The following EMC8 variants were observed in gnomAD, a reference collection of about 807,000 sequenced individuals.
EMC8 encodes ER membrane protein complex subunit 8.
In EMC8, 11 loss-of-function variants were observed where a neutral mutation model predicts 24.3. That is an observed-to-expected ratio of 0.45 (90% CI 0.28 to 0.75). The LOEUF (loss-of-function observed/expected upper bound fraction) is 0.75. Among genes scored for constraint, EMC8 ranks in the 30% least tolerant of loss-of-function variants. The probability of loss-of-function intolerance (pLI) is 0.12; values close to 1 mark genes in which losing one functional copy is unlikely to be tolerated. For synonymous variants in EMC8, 145 were observed against 117.7 expected (o/e 1.23, Z -1.50); for missense variants, 277 against 282.7 (o/e 0.98, Z 0.14).
intron 2 of EMC8, chr16:85,781,992 T>A (rs1904528056): frequency 6.6e-6 from 1 of 152,344 alleles, no homozygotes; most frequent in African/African-American, 2.4e-5. Flanking sequence ...GGGCGCACCG[T>A]GTAAAGCAGG....
intron 1 of EMC8, among the ~76,000 whole-genome samples, chr16:85,793,249 G>C (rs2152076192): frequency 6.6e-6 from 1 of 152,306 alleles, no homozygotes; most frequent in Non-Finnish European, 1.5e-5. Context: ...TAACCGTAAA[G>C]AAGGCGAGGC....
At chr16:85,794,296 T>G (rs766697564) in intron 1 of EMC8, among the ~76,000 whole-genome samples, 2 of 152,166 alleles carry the variant, frequency 1.3e-5, no homozygotes, top group Non-Finnish European at 1.5e-5. Flanking sequence ...AGCTGCAAAT[T>G]TTCCCCTGTA....
chr16:85,783,538 G>C (rs1020445194), intron 2 of EMC8, among the ~76,000 whole-genome samples: 4 of 152,170 alleles, frequency 2.6e-5, no homozygotes, highest in African/African-American at 9.7e-5. Context: ...CACGTCCCCT[G>C]GTGCTCACAG....
Position 85,778,973 on chromosome 16 carries a change from C to T in EMC8, c.*735G>A, listed in dbSNP as rs554853183. On this transcript the variant is annotated 3_prime_UTR_variant, in exon 5 of 5. Transcript: ENST00000253457. ...CTTGTTTTTCCTAATACAAAAGAAACGATCATTTCCCTTTCCTGGCCCTGC... is the reference window on the plus strand; with the variant it reads ...CTTGTTTTTCCTAATACAAAAGAAATGATCATTTCCCTTTCCTGGCCCTGC... The T allele has an allele frequency of 2.0e-5, 3 of 152,320 alleles. No homozygotes were observed. Among genetic ancestry groups the T allele is most frequent in the African/African-American group, 7.2e-5 (3 of 41,574 alleles). 9.4% of individuals were successfully genotyped at this position (152,320 alleles called of 1,614,324 possible).
At chr16:85,791,190 CAT>C (rs973801252) in intron 1 of EMC8, among the ~76,000 whole-genome samples, 6 of 152,012 alleles carry the variant, frequency 3.9e-5, no homozygotes, top group African/African-American at 1.5e-4. Context: ...TAGAGATTAT[CAT>C]ATGATTGTTT....
rs560069282 is a variant in EMC8, at chr16:85,788,971, T to C, written c.308+3A>G. The C allele has an allele frequency of 3.5e-5, 57 of 1,608,360 alleles. No individual in the cohort carries two copies. Among genetic ancestry groups the C allele is most frequent in the Middle Eastern group, 3.3e-4 (2 of 6,052 alleles). ...GCCCACAGAGGGTTCTGCATCCACG[T>C]ACCTGGCATCCTTTACTCGCTCATT... On this transcript the variant is annotated splice_donor_region_variant and intron_variant, in intron 2 of 4. Coordinates refer to ENST00000253457, the MANE Select transcript of EMC8 (RefSeq NM_006067.5).
At chr16:85,785,457 C>G (rs1291613313) in intron 2 of EMC8, among the ~76,000 whole-genome samples, 1 of 152,090 alleles carries the variant, frequency 6.6e-6, no homozygotes, top group Non-Finnish European at 1.5e-5. Context: ...GTAATTCCAG[C>G]TACTCAGGAG....
intron 4 of EMC8, 26 bp from the exon 5 acceptor site, chr16:85,779,893 G>C: frequency 6.2e-7 from 1 of 1,610,714 alleles, no homozygotes; most frequent in Non-Finnish European, 8.5e-7. Flanking sequence ...GAAGAAGTCA[G>C]CATCTAACAG....
intron 2 of EMC8, among the ~76,000 whole-genome samples, chr16:85,787,351 G>C (rs979670733): frequency 1.3e-5 from 2 of 151,942 alleles, no homozygotes; most frequent in African/African-American, 2.4e-5. Flanking sequence ...CCAGGTCTAA[G>C]TCTCCCGGCC....
chr16:85,785,825 C>A (rs570317462), intron 2 of EMC8, among the ~76,000 whole-genome samples: 1 of 152,238 alleles, frequency 6.6e-6, no homozygotes, highest in South Asian at 2.1e-4. Context: ...AGCACCATGT[C>A]GGGCCAGCGT....
At chr16:85,798,126 T>G (rs1003092639) in intron 1 of EMC8, among the ~76,000 whole-genome samples, 4 of 141,580 alleles carry the variant, frequency 2.8e-5, no homozygotes, top group African/African-American at 1.1e-4. Context: ...TTTTTTTTTT[T>G]TTTTTTTTTT....
At chr16:85,787,219 G>A (rs771539630) in intron 2 of EMC8, among the ~76,000 whole-genome samples, 12 of 152,206 alleles carry the variant, frequency 7.9e-5, no homozygotes, top group African/African-American at 2.9e-4. Context: ...ACCTGTGTCT[G>A]CTGTCCCCCC....
intron 2 of EMC8, among the ~76,000 whole-genome samples, chr16:85,786,502 C>A (rs1438700192): frequency 6.6e-6 from 1 of 152,146 alleles, no homozygotes; most frequent in East Asian, 1.9e-4. Context: ...CCCGATAGAG[C>A]CCAGGGATAG....
chr16:85,782,060 C>T (rs1194555933), intron 2 of EMC8, among the ~76,000 whole-genome samples: 1 of 152,218 alleles, frequency 6.6e-6, no homozygotes, highest in Non-Finnish European at 1.5e-5. Flanking sequence ...AGAGCATCTC[C>T]TAACGGAAGG....
At chr16:85,788,363 C>G (rs1048924183) in intron 2 of EMC8, among the ~76,000 whole-genome samples, 2 of 152,284 alleles carry the variant, frequency 1.3e-5, no homozygotes, top group African/African-American at 4.8e-5. Flanking sequence ...CGGCCCAGGC[C>G]TTGTCAACAG....
At chr16:85,781,096 C>G (rs1179299329) in intron 3 of EMC8, 115 bp downstream of exon 3, 2 of 730,340 alleles carry the variant, frequency 2.7e-6, no homozygotes, top group Non-Finnish European at 4.8e-6. Context: ...CGGCAATGGT[C>G]TCAAGCAGAT....
chr16:85,790,348 C>T (rs1315889325), intron 1 of EMC8, among the ~76,000 whole-genome samples: 2 of 152,094 alleles, frequency 1.3e-5, no homozygotes, highest in African/African-American at 2.4e-5. Context: ...TAAGAGTTCA[C>T]GAATTACCAT....
chr16:85,796,466 T>G (rs1322143810), intron 1 of EMC8, among the ~76,000 whole-genome samples: 5 of 152,188 alleles, frequency 3.3e-5, no homozygotes, highest in Non-Finnish European at 7.3e-5. Flanking sequence ...GCATCCTTTC[T>G]GCTGCAGGCT....
rs1905484713 is a variant in EMC8 at position 85,799,480 on chromosome 16, C to G, written c.-185G>C. The G allele has an allele frequency of 5.0e-6, 2 of 401,246 alleles. No individual in the cohort carries two copies. The highest frequency in any genetic ancestry group is 2.1e-5 in the African/African-American group (1 of 47,948). The allele number at this position is 401,246 out of a possible 1,614,324, so 24.9% of individuals were successfully genotyped here. A position where few individuals can be genotyped will look rare whatever the true frequency, so the allele number is the denominator to read the frequency against. Reference sequence around the variant, plus strand: ...GGCCTCGGCTCCTGGAAAAGCGACTCGCGCCTCTGGGAAGCCGCAGCCCCA... The same window carrying G: ...GGCCTCGGCTCCTGGAAAAGCGACTGGCGCCTCTGGGAAGCCGCAGCCCCA... On this transcript the variant is annotated 5_prime_UTR_variant, in exon 1 of 5. Transcript: ENST00000253457. This position sits in a 1 kb window ranked among gnomAD's most constrained non-coding sequence, Gnocchi z 4.2.
Sources: allele counts gnomAD v4.1 joint callset (sites outside exome capture counted in the v4.1 genomes callset), GRCh38; gene constraint gnomAD v4.1.1; non-coding constraint Gnocchi (gnomAD v3.1); transcripts MANE v1.5; gene names NCBI Gene and HGNC (gene_info 2026-07-23, HGNC 2026-07-21).